THADA: variants seen among roughly 807,000 people sequenced by gnomAD.
THADA encodes THADA armadillo repeat containing, also known as tRNA (32-2'-O)-methyltransferase regulator THADA.
In THADA, 213 loss-of-function variants were observed where a neutral mutation model predicts 219.8. That is an observed-to-expected ratio of 0.97 (90% CI 0.87 to 1.09). The LOEUF (loss-of-function observed/expected upper bound fraction) is 1.09, where lower values mean the gene tolerates loss of function less well. Ranked by LOEUF, THADA falls within the 50% of genes least tolerant of loss-of-function variation. The probability of loss-of-function intolerance (pLI) is 0.00; values close to 1 mark genes in which losing one functional copy is unlikely to be tolerated. For synonymous variants in THADA, 1,018 were observed against 828.9 expected (o/e 1.23, Z -3.92); for missense variants, 2,956 against 2,311.3 (o/e 1.28, Z -5.72).
At chr2:43,267,168 G>C (rs1420393540) in intron 36 of THADA, among the ~76,000 whole-genome samples, 1 of 152,184 alleles carries the variant, frequency 6.6e-6, no homozygotes, top group Non-Finnish European at 1.5e-5. Flanking sequence ...AGAATGTTTA[G>C]AACAAAATTC....
chr2:43,493,648 T>C (rs371230416), intron 25 of THADA, among the ~76,000 whole-genome samples: 5 of 152,260 alleles, frequency 3.3e-5, no homozygotes, highest in Middle Eastern at 3.4e-3. Flanking sequence ...CCCTAGTCAC[T>C]GAACATAATA....
chr2:43,318,910 T>C (rs1259584957), intron 31 of THADA, among the ~76,000 whole-genome samples: 1 of 152,158 alleles, frequency 6.6e-6, no homozygotes, highest in Non-Finnish European at 1.5e-5. Flanking sequence ...ATATAAGGAT[T>C]AACCATTCTA....
intron 29 of THADA, among the ~76,000 whole-genome samples, chr2:43,395,254 A>C (rs1009340225): frequency 1.3e-5 from 2 of 152,224 alleles, no homozygotes; most frequent in Non-Finnish European, 2.9e-5. Context: ...ACTCAGATAC[A>C]GTTCACACTT....
At chr2:43,589,804 C>A (rs1007198331) in intron 4 of THADA, among the ~76,000 whole-genome samples, 6 of 151,570 alleles carry the variant, frequency 4.0e-5, no homozygotes, top group African/African-American at 1.5e-4. Flanking sequence ...CCAAGTACCA[C>A]CTGTTGCCCA....
chr2:43,362,508 A>T (rs1461191690), intron 29 of THADA, among the ~76,000 whole-genome samples: 4 of 152,200 alleles, frequency 2.6e-5, no homozygotes, highest in Non-Finnish European at 5.9e-5. Context: ...TGCTATTAAT[A>T]TAAAGGATTT....
At chr2:43,329,003 G>C (rs545615531) in intron 30 of THADA, among the ~76,000 whole-genome samples, 1 of 152,192 alleles carries the variant, frequency 6.6e-6, no homozygotes, top group Non-Finnish European at 1.5e-5. Flanking sequence ...TATGTGCGGA[G>C]AATGATGAAA....
At chr2:43,258,838 T>A (rs1004533981) in intron 36 of THADA, among the ~76,000 whole-genome samples, 1 of 152,272 alleles carries the variant, frequency 6.6e-6, no homozygotes, top group Non-Finnish European at 1.5e-5. Flanking sequence ...CCAGCTGTTC[T>A]CCTCCAGTAC....
At chr2:43,483,378 G>A (rs1329805200) in intron 26 of THADA, among the ~76,000 whole-genome samples, 1 of 152,186 alleles carries the variant, frequency 6.6e-6, no homozygotes, top group Admixed American at 6.5e-5. Flanking sequence ...ACAAGCAACT[G>A]CAAATTTAAG....
chr2:43,287,767 A>G (rs1174721568), intron 34 of THADA, among the ~76,000 whole-genome samples: 1 of 152,188 alleles, frequency 6.6e-6, no homozygotes, highest in Non-Finnish European at 1.5e-5. Context: ...GGCTGGGCCC[A>G]TGGGCACCCA....
chr2:43,430,715 A>T (rs1274716268), intron 26 of THADA: 1 of 451,850 alleles, frequency 2.2e-6, no homozygotes, highest in African/African-American at 2.0e-5. Flanking sequence ...CACCAATGAC[A>T]GTTTGGACCA....
chr2:43,407,227 C>A (rs1675662819), intron 28 of THADA, among the ~76,000 whole-genome samples: 1 of 152,046 alleles, frequency 6.6e-6, no homozygotes, highest in Admixed American at 6.6e-5. Context: ...TTTCAGTTCA[C>A]AAACACAGGA....
At chr2:43,487,149 T>C (rs1687012995) in intron 25 of THADA, among the ~76,000 whole-genome samples, 1 of 152,192 alleles carries the variant, frequency 6.6e-6, no homozygotes, top group Non-Finnish European at 1.5e-5. Context: ...ACTTTATCAA[T>C]ATAATCTCTG....
chr2:43,566,271 G>C, intron 15 of THADA: 1 of 509,792 alleles, frequency 2.0e-6, no homozygotes, highest in East Asian at 3.2e-5. Flanking sequence ...ACCAGACTGA[G>C]GCACATGAAA....
Position 43,288,231 on chromosome 2 carries a change from C to T in THADA, c.5011-1170G>A, listed in dbSNP as rs34456212. ...GTCAGGCGTTCAGGACCAGCCAGGC[C>T]AACATGGTGAAACCCTGTCTCTACT... is the stretch of plus-strand genomic sequence containing the variant. On this transcript the variant is annotated intron_variant, in intron 34 of 37. Coordinates refer to ENST00000405975, the MANE Select transcript of THADA (RefSeq NM_022065.5). 8.0e-3 allele frequency among the ~76,000 whole-genome samples: 1,221 copies of T among 152,332 alleles called. 10 individuals are homozygous for T. The highest frequency in any genetic ancestry group is 0.024 in the Middle Eastern group (7 of 294).
At chr2:43,552,118 C>T (rs1574222609) in intron 18 of THADA, 86 bp downstream of exon 18, 1 of 1,535,800 alleles carries the variant, frequency 6.5e-7, no homozygotes, top group East Asian at 2.4e-5. Flanking sequence ...AGACTGCATT[C>T]CTTTCCCAGG....
chr2:43,585,125 G>C (rs1402285856), intron 7 of THADA, among the ~76,000 whole-genome samples: 1 of 151,994 alleles, frequency 6.6e-6, no homozygotes, highest in African/African-American at 2.4e-5. Context: ...CCAAGAAAGA[G>C]CTCAGCTAGA....
intron 35 of THADA, among the ~76,000 whole-genome samples, chr2:43,280,257 C>G (rs1230569388): frequency 6.6e-6 from 1 of 152,164 alleles, no homozygotes; most frequent in East Asian, 1.9e-4. Flanking sequence ...TTTGGAGAAA[C>G]TAGCCCAGTG....
chr2:43,309,345 C>T (rs1677228101), intron 31 of THADA, among the ~76,000 whole-genome samples: 1 of 152,076 alleles, frequency 6.6e-6, no homozygotes, highest in Non-Finnish European at 1.5e-5. Flanking sequence ...TAGGTTTTTA[C>T]CCAAGAGAAA....
chr2:43,436,795 C>G (rs1456842079), intron 26 of THADA, among the ~76,000 whole-genome samples: 1 of 152,174 alleles, frequency 6.6e-6, no homozygotes, highest in Non-Finnish European at 1.5e-5. Flanking sequence ...AGGGATCTCC[C>G]CAAACTGTAA....
Sources: gnomAD v4.1 joint callset for allele counts (sites outside exome capture counted in the v4.1 genomes callset) on GRCh38, gnomAD v4.1.1 for gene constraint, MANE v1.5 for transcripts, NCBI Gene and HGNC (gene_info 2026-07-23, HGNC 2026-07-21) for gene names.